The following PLEKHA7 variants were observed in gnomAD, a reference collection of about 807,000 sequenced individuals.
PLEKHA7 encodes the protein pleckstrin homology domain containing A7.
In PLEKHA7, 104 loss-of-function variants were observed where a neutral mutation model predicts 170.0. The observed-to-expected ratio is 0.61, with a 90% CI of 0.52 to 0.72. PLEKHA7 has a LOEUF of 0.72. PLEKHA7 is among the 30% of genes least tolerant of loss of function. The pLI, the probability that PLEKHA7 is intolerant of heterozygous loss-of-function variation, is 0.00. For synonymous variants in PLEKHA7, 648 were observed against 660.8 expected (o/e 0.98, Z 0.30); for missense variants, 1,615 against 1,671.7 (o/e 0.97, Z 0.59).
chr11:16,849,589 A>G (rs1852749298), intron 8 of PLEKHA7, among the ~76,000 whole-genome samples: 2 of 152,256 alleles, frequency 1.3e-5, no homozygotes, highest in Non-Finnish European at 2.9e-5. Flanking sequence ...GAAGAAAAGC[A>G]AGGAAGAAGA....
At chr11:16,923,093 C>G (rs760693595) in intron 3 of PLEKHA7, among the ~76,000 whole-genome samples, 6 of 152,204 alleles carry the variant, frequency 3.9e-5, no homozygotes, top group Admixed American at 6.5e-5. Context: ...GATGCCCTCT[C>G]ACTCTCAGTG....
intron 3 of PLEKHA7, among the ~76,000 whole-genome samples, chr11:16,957,228 C>T (rs1565154054): frequency 2.0e-5 from 3 of 152,162 alleles, no homozygotes. Flanking sequence ...GAGGTCTAGG[C>T]ATACAGATGT....
chr11:16,964,590 G>C (rs886874176), intron 3 of PLEKHA7, among the ~76,000 whole-genome samples: 31 of 152,334 alleles, frequency 2.0e-4, no homozygotes, highest in African/African-American at 7.0e-4. Flanking sequence ...AACCAGAGAA[G>C]CAACTAGGAG....
chr11:16,785,665 C>A (rs922500025), intron 24 of PLEKHA7, among the ~76,000 whole-genome samples: 3 of 152,124 alleles, frequency 2.0e-5, no homozygotes, highest in African/African-American at 7.2e-5. Flanking sequence ...ACTTGCTCTC[C>A]TGGGCCTGCC....
chr11:16,836,876 T>C (rs965351610), intron 9 of PLEKHA7, among the ~76,000 whole-genome samples: 1 of 152,080 alleles, frequency 6.6e-6, no homozygotes, highest in Non-Finnish European at 1.5e-5. Flanking sequence ...CAGGCTGGAA[T>C]GCAATGGCAT....
chr11:17,002,680 G>A (rs1220163688), intron 3 of PLEKHA7, among the ~76,000 whole-genome samples: 1 of 152,118 alleles, frequency 6.6e-6, no homozygotes, highest in Non-Finnish European at 1.5e-5. Flanking sequence ...TATTATTGTT[G>A]ACACCTGTGA....
chr11:16,834,248 C>T (rs925170200), intron 9 of PLEKHA7, among the ~76,000 whole-genome samples: 5 of 152,106 alleles, frequency 3.3e-5, no homozygotes, highest in African/African-American at 7.2e-5. Context: ...TCAGGTGATC[C>T]GCCTGCCTAG....
intron 3 of PLEKHA7, among the ~76,000 whole-genome samples, chr11:16,951,342 G>A (rs1474723169): frequency 6.6e-6 from 1 of 152,136 alleles, no homozygotes; most frequent in African/African-American, 2.4e-5. Flanking sequence ...TCTAAGAGGG[G>A]AGACATCATG....
chr11:16,846,033 C>T (rs543973386), intron 8 of PLEKHA7, among the ~76,000 whole-genome samples: 29 of 152,068 alleles, frequency 1.9e-4, no homozygotes, highest in South Asian at 6.2e-4. Flanking sequence ...GCCTGTAATC[C>T]CAGCACTTTT....
chr11:16,899,356 GC>G (rs571876738), intron 3 of PLEKHA7, among the ~76,000 whole-genome samples: 19 of 152,284 alleles, frequency 1.2e-4, no homozygotes, highest in Non-Finnish European at 2.2e-4. Context: ...AATTAGCCGG[GC>G]GTGGTGGCAC....
At chr11:16,925,719 G>C (rs1177115165) in intron 3 of PLEKHA7, among the ~76,000 whole-genome samples, 1 of 152,212 alleles carries the variant, frequency 6.6e-6, no homozygotes, top group Non-Finnish European at 1.5e-5. Flanking sequence ...CCTCCTCGCC[G>C]GGGCCTTTCC....
Position 16,817,455 on chromosome 11 carries a change from G to A in PLEKHA7, c.1344-133C>T, listed in dbSNP as rs1849861031. ...TAAGAACCTCAAAAGAATGATCAAG[G>A]CCGACATCCAGGACTTCAGTCACTT... On this transcript the variant is annotated intron_variant, in intron 10 of 26. Transcript: ENST00000531066. The surrounding 1 kb of genome is among the most constrained non-coding windows in gnomAD (Gnocchi z 4.4). The A allele has an allele frequency of 1.1e-6, 1 of 887,518 alleles. No individual in the cohort carries two copies. Among genetic ancestry groups the A allele is most frequent in the Non-Finnish European group, 1.6e-6 (1 of 616,594 alleles). 55.0% of individuals were successfully genotyped at this position (887,518 alleles called of 1,614,324 possible).
intron 9 of PLEKHA7, among the ~76,000 whole-genome samples, chr11:16,836,807 TG>T (rs1368221836): frequency 6.6e-6 from 1 of 151,748 alleles, no homozygotes. Context: ...TTTTTTTTTT[TG>T]TTTTTTCTGT....
Position 16,929,948 on chromosome 11 carries a change from G to A in PLEKHA7, c.222-58766C>T, listed in dbSNP as rs1473895141. 2.0e-5 allele frequency among the ~76,000 whole-genome samples: 3 copies of A among 152,088 alleles called. No individual in the cohort carries two copies. In the South Asian group the frequency reaches 6.2e-4, roughly 32 times the overall value. On this transcript the variant is annotated intron_variant, in intron 3 of 26. Transcript: ENST00000531066. ...GAACCCGGGAGGTGGAGGTTGCAGT[G>A]AGCTGAGATTGCGCCACTGCACTCC...
chr11:16,782,016 G>A (rs1443505698), intron 26 of PLEKHA7, among the ~76,000 whole-genome samples: 2 of 152,064 alleles, frequency 1.3e-5, no homozygotes, highest in Non-Finnish European at 2.9e-5. Flanking sequence ...AGCTGTGAGT[G>A]GAAGGAGGAG....
At chr11:16,830,201 C>A (rs1275079797) in intron 9 of PLEKHA7, among the ~76,000 whole-genome samples, 1 of 151,424 alleles carries the variant, frequency 6.6e-6, no homozygotes, top group Non-Finnish European at 1.5e-5. Context: ...CCAGGCTAGT[C>A]TTGAAATCCT....
chr11:16,936,487 A>C lies in PLEKHA7; in HGVS notation c.222-65305T>G, dbSNP rs146993479. Reference sequence around the variant, plus strand: ...AGCAATTAAAAACACATGCCTAACAAATTTGGAATCAAAAGCACCATCAAA... The same window carrying C: ...AGCAATTAAAAACACATGCCTAACACATTTGGAATCAAAAGCACCATCAAA... On this transcript the variant is annotated intron_variant, in intron 3 of 26. Coordinates refer to ENST00000531066, the MANE Select transcript of PLEKHA7 (RefSeq NM_001329630.2). Among the ~76,000 whole-genome samples, 659 of 151,794 alleles carry C rather than the reference A, an allele frequency of 4.3e-3. 2 individuals are homozygous for C. The highest frequency in any genetic ancestry group is 0.014 in the Middle Eastern group (4 of 292).
intron 3 of PLEKHA7, among the ~76,000 whole-genome samples, chr11:16,954,230 T>C (rs1447781697): frequency 6.6e-6 from 1 of 152,088 alleles, no homozygotes; most frequent in African/African-American, 2.4e-5. Flanking sequence ...AAAGAACCAA[T>C]AATGGCCAGG....
At chr11:16,878,932 A>T (rs1855506881) in intron 3 of PLEKHA7, among the ~76,000 whole-genome samples, 1 of 152,188 alleles carries the variant, frequency 6.6e-6, no homozygotes, top group Non-Finnish European at 1.5e-5. Flanking sequence ...GCTCTCCTGA[A>T]CTGTGTTACA....
Sources: allele counts gnomAD v4.1 joint callset (sites outside exome capture counted in the v4.1 genomes callset), GRCh38; gene constraint gnomAD v4.1.1; non-coding constraint Gnocchi (gnomAD v3.1); transcripts MANE v1.5; gene names NCBI Gene and HGNC (gene_info 2026-07-23, HGNC 2026-07-21).